The following TRANK1 variants were observed in gnomAD, a reference collection of about 807,000 sequenced individuals.
TRANK1 encodes TPR and ankyrin repeat-containing protein 1.
Under a neutral mutation model 266.0 loss-of-function variants are expected in TRANK1, and 198 were observed. The observed-to-expected ratio is 0.74, with a 90% CI of 0.66 to 0.84. The LOEUF is 0.84. TRANK1 is among the 40% of genes least tolerant of loss of function. The probability of loss-of-function intolerance (pLI) is 0.00; values close to 1 mark genes in which losing one functional copy is unlikely to be tolerated. For missense variants in TRANK1, 3,326 were observed against 3,634.6 expected (o/e 0.92, Z 2.18); for synonymous variants, 1,396 against 1,384.1 (o/e 1.01, Z -0.19).
rs369097556 is a variant in TRANK1 at position 36,831,733 on chromosome 3, C to T, written c.7850G>A (p.Arg2617Gln). The T allele has an allele frequency of 2.4e-4, 389 of 1,613,982 alleles. No individual in the cohort carries two copies. The highest frequency in any genetic ancestry group is 3.2e-4 in the Non-Finnish European group (377 of 1,179,890). ...CTTCACATTGACTGCCACCAAGACC[C>T]GCTTCACCACCTTCAGGAGCCTCTC... ...VPERLLKVVK[R>Q]VLVAVNVKSV... Residue 2617 changes from arginine to glutamine, a missense_variant, in exon 22 of 24, where the codon CGG becomes CAG. Coordinates refer to ENST00000645898, the MANE Select transcript of TRANK1 (RefSeq NM_001329998.2). The surrounding 1 kb of genome is among the most constrained non-coding windows in gnomAD (Gnocchi z 5.0).
chr3:36,829,830 A>C (rs889756636), intron 22 of TRANK1, among the ~76,000 whole-genome samples, 168 bp from the exon 23 acceptor site: 4 of 152,298 alleles, frequency 2.6e-5, no homozygotes, highest in East Asian at 1.9e-4. Context: ...TGCTGCTACA[A>C]GCATAAACTA....
chr3:36,828,936 C>A (rs2174854), intron 23 of TRANK1, among the ~76,000 whole-genome samples: 1 of 152,108 alleles, frequency 6.6e-6, no homozygotes, highest in Non-Finnish European at 1.5e-5. Flanking sequence ...GGGGCATCTG[C>A]GGTTGATGAA....
intron 3 of TRANK1, among the ~76,000 whole-genome samples, chr3:36,900,851 C>A (rs2079865422): frequency 7.9e-5 from 5 of 63,008 alleles, no homozygotes; most frequent in East Asian, 3.1e-4. Flanking sequence ...GACCCTGTCT[C>A]AAAAAAAAAA....
chr3:36,856,128 G>A lies in TRANK1; in HGVS notation c.3594C>T (p.Asn1198=). 3 of 1,613,840 alleles carry A rather than the reference G, an allele frequency of 1.9e-6. No homozygotes were observed. The highest frequency in any genetic ancestry group is 2.5e-6 in the Non-Finnish European group (3 of 1,179,874). The stretch of plus-strand genomic sequence containing the variant: ...TTTGTACCTCCTGGCACAGCACATG[G>A]TTCTTGGTCACAAAGATCTGATGTA... The part of the protein sequence containing the change: ...EHLHQIFVTK[N]HVLCQEVQRN... Residue 1198 remains asparagine (N), a synonymous_variant, in exon 13 of 24, where the codon AAC becomes AAT. Coordinates refer to ENST00000645898, the MANE Select transcript of TRANK1 (RefSeq NM_001329998.2).
Position 36,828,288 on chromosome 3 carries a change from T to C in TRANK1, c.8897A>G (p.Gln2966Arg). Residue 2966 changes from glutamine (Q) to arginine (R), a missense_variant, in exon 24 of 24, where the codon CAG becomes CGG. Transcript: ENST00000645898. ...GCTGTGTGGACATTAGTATTTTCTC[T>C]GCTTTCCACATTTCCGAGAACGCCT... ...PRRRSRKCGK[Q>R]RKY 6.2e-7 allele frequency: 1 copy of C among 1,611,750 alleles called. No homozygotes were observed. The highest frequency in any genetic ancestry group is 1.7e-5 in the Admixed American group (1 of 59,884).
intron 20 of TRANK1, among the ~76,000 whole-genome samples, chr3:36,837,088 A>G (rs999049120): frequency 1.3e-5 from 2 of 152,162 alleles, no homozygotes; most frequent in African/African-American, 4.8e-5. Context: ...GTTCAAATCA[A>G]CCAACTTGGC....
chr3:36,903,115 C>A, intron 3 of TRANK1, 34 bp downstream of exon 3: 2 of 1,528,304 alleles, frequency 1.3e-6, no homozygotes, highest in Admixed American at 2.0e-5. Flanking sequence ...ACTCTCAAGT[C>A]ATCTCCCCAC....
chr3:36,854,003 G>C (rs2079017468), intron 13 of TRANK1, among the ~76,000 whole-genome samples: 1 of 152,170 alleles, frequency 6.6e-6, no homozygotes. Context: ...TTTCAAATGG[G>C]TGCCTTTTAT....
At chr3:36,850,910 G>C in intron 15 of TRANK1, 4 of 985,510 alleles carry the variant, frequency 4.1e-6, no homozygotes, top group Non-Finnish European at 4.8e-6. Flanking sequence ...AAGGAAGTCT[G>C]CAACAAGGAC....
chr3:36,838,302 G>C, intron 20 of TRANK1, 70 bp downstream of exon 20: 1 of 1,583,450 alleles, frequency 6.3e-7, no homozygotes, highest in Non-Finnish European at 8.6e-7. Context: ...AGTAGAGGTC[G>C]AGCCTACCCC....
chr3:36,944,804 C>G lies in TRANK1; in HGVS notation c.6G>C (p.Trp2Cys). 6.7e-7 allele frequency: 1 copy of G among 1,491,280 alleles called. No individual in the cohort carries two copies. Among genetic ancestry groups the G allele is most frequent in the Non-Finnish European group, 8.9e-7 (1 of 1,127,588 alleles). The allele number at this position is 1,491,280 out of a possible 1,614,324, so 92.4% of individuals were successfully genotyped here. Residue 2 changes from tryptophan to cysteine, a missense_variant, in exon 1 of 24, where the codon TGG (tryptophan) becomes TGC (cysteine). By Grantham distance (215) the Trp-to-Cys change is radical (BLOSUM62 -2). Coordinates refer to ENST00000645898, the MANE Select transcript of TRANK1 (RefSeq NM_001329998.2). M[W>C]DPRAARMDLT... ...CTACGCACCTAGCTGCCCGCGGGTC[C>G]CACATGGCTGCGGCCGGAGGGTCCG...
intron 1 of TRANK1, among the ~76,000 whole-genome samples, chr3:36,920,460 C>T (rs1349538371): frequency 1.3e-5 from 2 of 152,190 alleles, no homozygotes; most frequent in African/African-American, 2.4e-5. Context: ...CTGACAGAAA[C>T]TGGTTCAGTA....
intron 8 of TRANK1, among the ~76,000 whole-genome samples, chr3:36,875,008 C>CAAA (rs112705869): frequency 7.7e-6 from 1 of 129,512 alleles, no homozygotes; most frequent in African/African-American, 2.9e-5. Flanking sequence ...CCCACTTTAC[C>CAAA]AAAAAAAAAA....
Position 36,913,465 on chromosome 3 carries a change from CCTCTCCTCTCCTCTCCTCTCTTTCTTT to C in TRANK1, c.24-5038_24-5012del, listed in dbSNP as rs914171889. Reference sequence around the variant, plus strand: ...TTTTCTTGCTTTGTTTCTCTCCTCTCCTCTCCTCTCCTCTCCTCTCTTTCTTTCTCTCCTCTCCTCTCCTCTCTTTCT... The same window carrying C: ...TTTTCTTGCTTTGTTTCTCTCCTCTCCTCTCCTCTCCTCTCCTCTCTTTCT... On this transcript the variant is annotated intron_variant, in intron 1 of 23. Coordinates refer to ENST00000645898, the MANE Select transcript of TRANK1 (RefSeq NM_001329998.2). Among the ~76,000 whole-genome samples, 14 of 151,248 alleles carry C rather than the reference CCTCTCCTCTCCTCTCCTCTCTTTCTTT, an allele frequency of 9.3e-5. No individual in the cohort carries two copies. The South Asian group carries it at 1.0e-3, about 11-fold the overall frequency.
chr3:36,849,899 G>T, intron 15 of TRANK1: 1 of 451,782 alleles, frequency 2.2e-6, no homozygotes, highest in Non-Finnish European at 2.9e-6. Flanking sequence ...AGGATGAAGT[G>T]GATGTTTACA....
Position 36,856,131 on chromosome 3 carries a change from C to T in TRANK1, c.3591G>A (p.Lys1197=). 6.2e-7 allele frequency: 1 copy of T among 1,613,852 alleles called. No homozygotes were observed. The highest frequency in any genetic ancestry group is 8.5e-7 in the Non-Finnish European group (1 of 1,179,886). The change falls in exon 13 of 24, where the codon AAG becomes AAA. Residue 1197 remains lysine, a synonymous_variant. Coordinates refer to ENST00000645898, the MANE Select transcript of TRANK1 (RefSeq NM_001329998.2). The part of the protein sequence containing the change: ...LEHLHQIFVT[K]NHVLCQEVQR... ...GTACCTCCTGGCACAGCACATGGTTCTTGGTCACAAAGATCTGATGTAAAT... is the reference window on the plus strand; with the variant it reads ...GTACCTCCTGGCACAGCACATGGTTTTTGGTCACAAAGATCTGATGTAAAT...
rs114899247 is a variant in TRANK1 at position 36,856,401 on chromosome 3, T to G, written c.3321A>C (p.Pro1107=). 1.8e-4 allele frequency: 285 copies of G among 1,608,378 alleles called. 1 individual carries two copies. The African/African-American group carries it at 3.1e-3, about 17-fold the overall frequency. The change falls in exon 13 of 24, where the codon CCA becomes CCC. Residue 1107 remains proline (P), a synonymous_variant. Coordinates refer to ENST00000645898, the MANE Select transcript of TRANK1 (RefSeq NM_001329998.2). ...YWEKAEQAGS[P]LLAKQVWLKR... ...TCAGCCAGACCTGTTTGGCCAGCAA[T>G]GGGCTTCCTGCCTGCTCAGCTTTTT...
chr3:36,863,018 A>AT (rs2079166284), intron 10 of TRANK1, among the ~76,000 whole-genome samples: 3 of 152,212 alleles, frequency 2.0e-5, no homozygotes. Flanking sequence ...GGAAAAAAAA[A>AT]GGAAAAGTGA....
chr3:36,871,822 A>G (rs923055451), intron 9 of TRANK1, among the ~76,000 whole-genome samples: 11 of 152,174 alleles, frequency 7.2e-5, no homozygotes, highest in Non-Finnish European at 2.9e-5. Flanking sequence ...AGCAGCTTCA[A>G]TCTCCCTCAC....
Sources: allele counts gnomAD v4.1 joint callset (sites outside exome capture counted in the v4.1 genomes callset), GRCh38; gene constraint gnomAD v4.1.1; non-coding constraint Gnocchi (gnomAD v3.1); transcripts MANE v1.5; gene names NCBI Gene and HGNC (gene_info 2026-07-23, HGNC 2026-07-21).